The following PPFIA2 variants were observed in gnomAD, a reference collection of about 807,000 sequenced individuals.
PPFIA2 encodes the protein PPFI scaffold protein A2.
In PPFIA2, 46 loss-of-function variants were observed where a neutral mutation model predicts 175.5. The observed-to-expected ratio is 0.26, with a 90% CI of 0.21 to 0.34. PPFIA2 has a LOEUF of 0.34. PPFIA2 is among the 10% of genes least tolerant of loss of function. The probability of loss-of-function intolerance (pLI) is 1.00; values close to 1 mark genes in which losing one functional copy is unlikely to be tolerated. For synonymous variants in PPFIA2, 568 were observed against 511.4 expected (o/e 1.11, Z -1.49); for missense variants, 1,179 against 1,506.1 (o/e 0.78, Z 3.60).
At chr12:81,439,175 CTCTCTCTCTCTA>C (rs2049665603) in intron 7 of PPFIA2, among the ~76,000 whole-genome samples, 2 of 149,902 alleles carry the variant, frequency 1.3e-5, no homozygotes, top group Non-Finnish European at 3.0e-5. Flanking sequence ...CCCTCTCTCT[CTCTCTCTCTCTA>C]TATATATATA....
At chr12:81,352,080 C>T (rs1204731005) in intron 17 of PPFIA2, among the ~76,000 whole-genome samples, 1 of 151,974 alleles carries the variant, frequency 6.6e-6, no homozygotes, top group Admixed American at 6.6e-5. Context: ...ATTTGCTTTG[C>T]TATGAACTGA....
intron 7 of PPFIA2, among the ~76,000 whole-genome samples, chr12:81,412,694 A>G (rs1377225533): frequency 1.3e-5 from 2 of 151,920 alleles, no homozygotes; most frequent in African/African-American, 4.8e-5. Context: ...ATCTTGTACA[A>G]GCTATTTAAC....
At chr12:81,737,390 C>T (rs1436883166) in intron 3 of PPFIA2, among the ~76,000 whole-genome samples, 1 of 151,864 alleles carries the variant, frequency 6.6e-6, no homozygotes, top group Non-Finnish European at 1.5e-5. Flanking sequence ...CAGGGATTAT[C>T]TGGATTGAGG....
chr12:81,355,820 C>T (rs1391188043), intron 16 of PPFIA2, among the ~76,000 whole-genome samples: 1 of 152,132 alleles, frequency 6.6e-6, no homozygotes, highest in African/African-American at 2.4e-5. Flanking sequence ...CTGGGTTATG[C>T]TTTGGTTTAA....
intron 4 of PPFIA2, among the ~76,000 whole-genome samples, chr12:81,613,423 T>C (rs1030458852): frequency 2.0e-5 from 3 of 152,310 alleles, no homozygotes; most frequent in East Asian, 1.9e-4. Context: ...TAGTGCACTT[T>C]TGTTGTTAAA....
chr12:81,667,613 T>C (rs1462797195), intron 4 of PPFIA2, among the ~76,000 whole-genome samples: 1 of 152,096 alleles, frequency 6.6e-6, no homozygotes, highest in Non-Finnish European at 1.5e-5. Flanking sequence ...AGATCCCAAA[T>C]AAATAATACC....
intron 4 of PPFIA2, among the ~76,000 whole-genome samples, chr12:81,591,274 C>T (rs1447567418): frequency 6.6e-6 from 1 of 152,084 alleles, no homozygotes; most frequent in Admixed American, 6.5e-5. Flanking sequence ...GCAAAACATT[C>T]AAGAGGTGAC....
rs114643598 is a variant in PPFIA2 at position 81,507,748 on chromosome 12, A to G, written c.304-49882T>C. ...TCTACGCTAGGCATACTGCTAGAGG[A>G]GTCCTTTTAAAACATAAAACATATT... On this transcript the variant is annotated intron_variant, in intron 4 of 32. Transcript: ENST00000549396. 1.4e-3 allele frequency among the ~76,000 whole-genome samples: 207 copies of G among 152,274 alleles called. 1 individual carries two copies. The highest frequency in any genetic ancestry group is 4.8e-3 in the African/African-American group (200 of 41,542).
chr12:81,382,309 A>G (rs1595867351), intron 9 of PPFIA2, among the ~76,000 whole-genome samples: 2 of 152,160 alleles, frequency 1.3e-5, no homozygotes, highest in Admixed American at 6.6e-5. Flanking sequence ...GAGATTGTAC[A>G]TGGCTTGTAG....
At chr12:81,323,786 C>A (rs1279227969) in intron 22 of PPFIA2, among the ~76,000 whole-genome samples, 2 of 152,036 alleles carry the variant, frequency 1.3e-5, no homozygotes, top group African/African-American at 4.8e-5. Context: ...AATCAAGCCA[C>A]AGTGGCATGC....
In PPFIA2 at chr12:81,561,515, C is replaced by G. The variant is rs374892229; in HGVS notation, c.304-103649G>C. ...AGGGTAATACAGGAGGGAGTCCCCC[C>G]CCAAAAAAAACGTTAAGCAAATCTG... On this transcript the variant is annotated intron_variant, in intron 4 of 32. Coordinates refer to ENST00000549396, the MANE Select transcript of PPFIA2 (RefSeq NM_003625.5). Among the ~76,000 whole-genome samples the G allele has an allele frequency of 2.9e-3, 438 of 151,936 alleles. 3 individuals are homozygous for G. Among genetic ancestry groups the G allele is most frequent in the African/African-American group, 1.0e-2 (414 of 41,466 alleles).
chr12:81,562,834 G>C (rs1429820542), intron 4 of PPFIA2, among the ~76,000 whole-genome samples: 1 of 93,142 alleles, frequency 1.1e-5, no homozygotes, highest in African/African-American at 4.1e-5. Context: ...GCGACAGAGC[G>C]AGACTCTGTC....
intron 4 of PPFIA2, among the ~76,000 whole-genome samples, chr12:81,556,545 T>C (rs1197292511): frequency 6.6e-6 from 1 of 151,948 alleles, no homozygotes; most frequent in Non-Finnish European, 1.5e-5. Flanking sequence ...TGAAGGCTAA[T>C]TGCTAAAGGT....
In PPFIA2 at chr12:81,347,607, T is replaced by G; in HGVS notation, c.2158A>C (p.Ser720Arg). The G allele has an allele frequency of 6.2e-7, 1 of 1,613,754 alleles. No homozygotes were observed. The highest frequency in any genetic ancestry group is 1.1e-5 in the South Asian group (1 of 91,062). Reference sequence around the variant, plus strand: ...GTGAGCTTTGGAGTTGAGTGTCCACTGGGGGGAGATGAACTGGCCAGCGAT... The same window carrying G: ...GTGAGCTTTGGAGTTGAGTGTCCACGGGGGGGAGATGAACTGGCCAGCGAT... The part of the protein sequence containing the change: ...ASSLASSSPP[S>R]GHSTPKLTPR... The change falls in exon 18 of 33, where the codon AGT (serine) becomes CGT (arginine). Residue 720 changes from serine (S) to arginine (R), a missense_variant. Ser to Arg is a moderately radical substitution (Grantham distance 110, BLOSUM62 -1). This residue lies in a region of PPFIA2 where 223 missense variants were observed against 241.6 expected (regional missense o/e 0.92). Coordinates refer to ENST00000549396, the MANE Select transcript of PPFIA2 (RefSeq NM_003625.5).
Position 81,445,579 on chromosome 12 carries a change from G to A in PPFIA2, c.547C>T (p.His183Tyr), listed in dbSNP as rs1463973137. The A allele has an allele frequency of 6.2e-7, 1 of 1,613,766 alleles. No individual in the cohort carries two copies. The highest frequency in any genetic ancestry group is 8.5e-7 in the Non-Finnish European group (1 of 1,179,800). ...ACCTTTTCATCCAAGGCCTTGTGGT[G>A]CTCAAACAAAGATTTCAGTGCCTTG... ...VLKALKSLFE[H>Y]HKALDEKVRE... The change falls in exon 6 of 33, where the codon CAC becomes TAC. Residue 183 changes from histidine (H) to tyrosine (Y), a missense_variant. Transcript: ENST00000549396.
At chr12:81,622,617 C>G (rs1255626949) in intron 4 of PPFIA2, among the ~76,000 whole-genome samples, 2 of 152,034 alleles carry the variant, frequency 1.3e-5, no homozygotes, top group Non-Finnish European at 2.9e-5. Context: ...CTGGGTAAAG[C>G]TTATGAACAT....
chr12:81,473,184 G>C (rs1402214967), intron 4 of PPFIA2, among the ~76,000 whole-genome samples: 1 of 152,114 alleles, frequency 6.6e-6, no homozygotes, highest in African/African-American at 2.4e-5. Context: ...GAGGTGCGTG[G>C]ATCACCTGCT....
chr12:81,548,059 T>C (rs1007018225), intron 4 of PPFIA2, among the ~76,000 whole-genome samples: 1 of 152,156 alleles, frequency 6.6e-6, no homozygotes, highest in Non-Finnish European at 1.5e-5. Flanking sequence ...TTCCAAATAA[T>C]GGTATGAGGT....
At chr12:81,749,432 T>TA (rs1242957223) in intron 3 of PPFIA2, among the ~76,000 whole-genome samples, 2 of 143,798 alleles carry the variant, frequency 1.4e-5, no homozygotes, top group Non-Finnish European at 3.1e-5. Flanking sequence ...CAGTGTATGC[T>TA]AAAAAAGGTG....
Sources: gnomAD v4.1 joint callset for allele counts (sites outside exome capture counted in the v4.1 genomes callset) on GRCh38, gnomAD v4.1.1 for gene constraint, gnomAD v4.1.1 regional missense constraint, MANE v1.5 for transcripts, NCBI Gene and HGNC (gene_info 2026-07-23, HGNC 2026-07-21) for gene names.